Variants in BDP1 observed in about 807,000 individuals in gnomAD.
The protein encoded by BDP1 is BDP1 general transcription factor IIIB subunit, also known as transcription factor TFIIIB component B'' homolog.
In BDP1, 169 loss-of-function variants were observed where a neutral mutation model predicts 266.6. The observed-to-expected ratio is 0.63, with a 90% CI of 0.56 to 0.72. The LOEUF is 0.72. Among genes scored for constraint, BDP1 ranks in the 30% least tolerant of loss-of-function variants. The probability of loss-of-function intolerance (pLI) is 0.00; values close to 1 mark genes in which losing one functional copy is unlikely to be tolerated. For synonymous variants in BDP1, 1,090 were observed against 1,022.4 expected, an observed-to-expected ratio of 1.07 and a Z score of -1.26; for missense variants, 3,015 against 3,053.8, an observed-to-expected ratio of 0.99 and a Z score of 0.30.
At chr5:71,521,507 G>T (rs1483985377) in intron 22 of BDP1, among the ~76,000 whole-genome samples, 6 of 151,866 alleles carry the variant, frequency 4.0e-5, no homozygotes, top group Non-Finnish European at 5.9e-5. Flanking sequence ...GGTTAGGCTG[G>T]TCTCAAACTC....
intron 16 of BDP1, among the ~76,000 whole-genome samples, chr5:71,505,774 T>C (rs943114457): frequency 2.0e-5 from 3 of 152,134 alleles, no homozygotes; most frequent in African/African-American, 7.2e-5. Context: ...AGGAAGAGGA[T>C]TGCTTGAGCC....
chr5:71,458,413 A>G (rs1014099313), intron 1 of BDP1, among the ~76,000 whole-genome samples, 166 bp from the exon 2 acceptor site: 12 of 152,134 alleles, frequency 7.9e-5, no homozygotes, highest in African/African-American at 2.9e-4. Flanking sequence ...GATTTACTAA[A>G]CAAATTTTTT....
At chr5:71,490,242 G>A (rs182263252) in intron 10 of BDP1, among the ~76,000 whole-genome samples, 6 of 152,250 alleles carry the variant, frequency 3.9e-5, no homozygotes, top group African/African-American at 1.4e-4. Flanking sequence ...GGAAAAGGTA[G>A]GAGCAGACCA....
rs1296467825 is a variant in BDP1, at chr5:71,516,121, A to G, written c.4710A>G (p.Arg1570=). The G allele has an allele frequency of 2.5e-6, 4 of 1,612,598 alleles. No individual in the cohort carries two copies. ...EMKESVIQTA[R]QVRGRLQRPR... is the part of the protein sequence containing the mutation. ...AGGAAAGTGTTATCCAAACTGCTCG[A>G]CAAGTAAGGGGCCGACTTCAGAGAC... is the stretch of plus-strand genomic sequence containing the variant. The change falls in exon 21 of 39, where the codon CGA becomes CGG. Residue 1570 remains arginine, a synonymous_variant. Transcript: ENST00000358731.
At chr5:71,498,885 A>C (rs1764059722) in intron 13 of BDP1, among the ~76,000 whole-genome samples, 1 of 151,774 alleles carries the variant, frequency 6.6e-6, no homozygotes. Flanking sequence ...CACCACGCCC[A>C]GCTAATTTTT....
chr5:71,553,738 T>A (rs1157456176), intron 35 of BDP1, among the ~76,000 whole-genome samples: 1 of 152,192 alleles, frequency 6.6e-6, no homozygotes, highest in Non-Finnish European at 1.5e-5. Flanking sequence ...CCCATTGCTT[T>A]TAGGAGTAAA....
chr5:71,542,259 CAAAG>C lies in BDP1; in HGVS notation c.6408_6411del (p.Arg2137LysfsTer46). 6.2e-7 allele frequency: 1 copy of C among 1,606,106 alleles called. No homozygotes were observed. The highest frequency in any genetic ancestry group is 1.1e-5 in the South Asian group (1 of 88,464). On this transcript the variant is annotated frameshift_variant and splice_region_variant, in exon 30 of 39. Transcript: ENST00000358731. LOFTEE classifies it high-confidence loss of function. The stretch of plus-strand genomic sequence containing the variant: ...AACCAAAGGGGCAGAAATGGAAACT[CAAAG>C]AGGTAAATTTTATTCTCTTAATATG...
At chr5:71,562,144 G>T in intron 37 of BDP1, 130 bp from the exon 38 acceptor site, 1 of 790,908 alleles carries the variant, frequency 1.3e-6, no homozygotes, top group East Asian at 3.1e-5. Context: ...GTTGCAGTGA[G>T]CCGAGATTGC....
At chr5:71,550,863 A>G (rs1028513700) in intron 34 of BDP1, among the ~76,000 whole-genome samples, 5 of 151,748 alleles carry the variant, frequency 3.3e-5, no homozygotes, top group African/African-American at 1.2e-4. Context: ...GTGCCACCAC[A>G]CTGGCTAATT....
In BDP1 at chr5:71,524,163, C is replaced by T. The variant is rs1765650331; in HGVS notation, c.5612C>T (p.Ser1871Phe). The change falls in exon 25 of 39, where the codon TCC becomes TTC. Residue 1871 changes from serine to phenylalanine, a missense_variant. By Grantham distance (155) the Ser-to-Phe change is radical. This residue lies in a region of BDP1 where 2,383 missense variants were observed against 2,404.9 expected (regional missense o/e 0.99). Coordinates refer to ENST00000358731, the MANE Select transcript of BDP1 (RefSeq NM_018429.3). ...GCCATGCTGGTGACTCTTCGGGCTTCCCAGGAAGAAGATGATGATGCTGAC... is the reference window on the plus strand; with the variant it reads ...GCCATGCTGGTGACTCTTCGGGCTTTCCAGGAAGAAGATGATGATGCTGAC... ...SKAMLVTLRA[S>F]QEEDDDADDF... 1.2e-6 allele frequency: 2 copies of T among 1,614,020 alleles called. No homozygotes were observed. The highest frequency in any genetic ancestry group is 1.7e-6 in the Non-Finnish European group (2 of 1,180,038).
Position 71,465,336 on chromosome 5 carries a change from G to A in BDP1, c.660-760G>A, listed in dbSNP as rs528046598. On this transcript the variant is annotated intron_variant, in intron 4 of 38. Coordinates refer to ENST00000358731, the MANE Select transcript of BDP1 (RefSeq NM_018429.3). ...GCACTGTCACCTAGGCTGGGGTGCA[G>A]TGGTGTGATTAAACTCTTGGCCTCA... 5.4e-4 allele frequency among the ~76,000 whole-genome samples: 82 copies of A among 152,210 alleles called. No homozygotes were observed. In the Middle Eastern group the frequency reaches 0.017, roughly 32 times the overall value.
intron 25 of BDP1, among the ~76,000 whole-genome samples, chr5:71,529,502 A>G (rs954219646): frequency 6.6e-6 from 1 of 152,212 alleles, no homozygotes; most frequent in African/African-American, 2.4e-5. Context: ...ACCAGCCTAT[A>G]CAACATAGCA....
At chr5:71,540,949 A>C (rs1766928782) in intron 28 of BDP1, among the ~76,000 whole-genome samples, 1 of 152,060 alleles carries the variant, frequency 6.6e-6, no homozygotes, top group Non-Finnish European at 1.5e-5. Context: ...AAAATAGATA[A>C]ATAAAGACAT....
At chr5:71,545,018 G>T (rs1742178798) in intron 31 of BDP1, 21 bp from the exon 32 acceptor site, 1 of 1,609,370 alleles carries the variant, frequency 6.2e-7, no homozygotes, top group African/African-American at 1.3e-5. Context: ...CAAATGACAT[G>T]CATGCTAAAC....
chr5:71,488,063 A>C (rs757015140), intron 9 of BDP1, among the ~76,000 whole-genome samples: 19 of 152,216 alleles, frequency 1.2e-4, no homozygotes, highest in Non-Finnish European at 2.6e-4. Flanking sequence ...TAATCGTAGA[A>C]GATTATGTAT....
At chr5:71,539,480 T>C in intron 27 of BDP1, 77 bp from the exon 28 acceptor site, 1 of 1,152,000 alleles carries the variant, frequency 8.7e-7, no homozygotes, top group South Asian at 1.3e-5. Context: ...GATAAACACC[T>C]TAATTAAAAA....
Position 71,510,389 on chromosome 5 carries a change from C to G in BDP1, c.3297C>G (p.Ser1099=), listed in dbSNP as rs767135305. 7.4e-6 allele frequency: 12 copies of G among 1,612,478 alleles called. No homozygotes were observed. The highest frequency in any genetic ancestry group is 1.0e-5 in the Non-Finnish European group (12 of 1,179,654). The change falls in exon 17 of 39, where the codon TCC becomes TCG. Residue 1099 remains serine, a synonymous_variant. Transcript: ENST00000358731. ...TGGAAGAAACTGAAAGAGAAATATC[C>G]CCACAGGAAAATGGCCTAGAGGAGG... ...IDLEETEREI[S]PQENGLEEVK...
chr5:71,564,692 A>G, intron 38 of BDP1, 62 bp from the exon 39 acceptor site: 1 of 1,377,606 alleles, frequency 7.3e-7, no homozygotes, highest in Non-Finnish European at 1.0e-6. Context: ...ATATACACAC[A>G]CATATATATA....
chr5:71,516,002 A>G (rs1200711997), intron 20 of BDP1, 59 bp from the exon 21 acceptor site: 2 of 1,254,732 alleles, frequency 1.6e-6, no homozygotes, highest in African/African-American at 3.1e-5. Flanking sequence ...ACATTTTTAC[A>G]TTAGTTTTCA....
Sources: gnomAD v4.1 joint callset for allele counts (sites outside exome capture counted in the v4.1 genomes callset) on GRCh38, gnomAD v4.1.1 for gene constraint, gnomAD v4.1.1 regional missense constraint, MANE v1.5 for transcripts, NCBI Gene and HGNC (gene_info 2026-07-23, HGNC 2026-07-21) for gene names.